Variants in LRIG2 observed in about 807,000 individuals in gnomAD.
The protein encoded by LRIG2 is leucine-rich repeats and immunoglobulin-like domains protein 2.
Under a neutral mutation model 107.8 loss-of-function variants are expected in LRIG2, and 93 were observed. The observed-to-expected ratio is 0.86, with a 90% CI of 0.73 to 1.03. The LOEUF is 1.03. LRIG2 is among the 50% of genes least tolerant of loss of function. The pLI is 0.00. For missense variants in LRIG2, 1,226 were observed against 1,296.0 expected (o/e 0.95, Z 0.83); for synonymous variants, 471 against 470.6 (o/e 1.00, Z -0.01).
At position 113,114,852 on chromosome 1, in the gene LRIG2, G is replaced by T. The variant is rs757235393; in HGVS notation, c.2506G>T (p.Glu836Ter). Residue 836 changes from glutamate to a stop codon, truncating the protein, a stop_gained, in exon 15 of 18, where the codon GAA becomes TAA. Coordinates refer to ENST00000361127, the MANE Select transcript of LRIG2 (RefSeq NM_014813.3). LOFTEE classifies it high-confidence loss of function. ...TATTTACCACATGAGAAGGAAAAAT[G>T]AAGACTATAGTATCACAAACACAGG... ...IVIYHMRRKN[E>*]DYSITNTEEL... 5.6e-6 allele frequency: 9 copies of T among 1,611,202 alleles called. No homozygotes were observed. The East Asian group carries it at 2.0e-4, about 36-fold the overall frequency.
At chr1:113,103,511 C>T (rs376062493) in intron 11 of LRIG2, 1 of 152,274 alleles carries the variant, frequency 6.6e-6, no homozygotes. Flanking sequence ...GCTGCAACAT[C>T]ACATTGCCGT....
chr1:113,098,349 G>C (rs907113935), intron 8 of LRIG2, among the ~76,000 whole-genome samples: 1 of 152,130 alleles, frequency 6.6e-6, no homozygotes, highest in Non-Finnish European at 1.5e-5. Context: ...CATATACCCT[G>C]CATCTTGAAA....
At chr1:113,107,878 A>G (rs761714056) in intron 12 of LRIG2, 121 bp downstream of exon 12, 66 of 819,260 alleles carry the variant, frequency 8.1e-5, no homozygotes, top group South Asian at 1.4e-4. Flanking sequence ...TTTAATTGCC[A>G]TTAAAAATGA....
chr1:113,077,983 G>T (rs547360141), intron 1 of LRIG2, among the ~76,000 whole-genome samples: 2 of 148,654 alleles, frequency 1.3e-5, no homozygotes, highest in Non-Finnish European at 3.0e-5. Context: ...AGAACATGTG[G>T]TGTTTGGTTT....
chr1:113,086,000 G>GTTTTTTTTTTTT (rs34131524), intron 1 of LRIG2, among the ~76,000 whole-genome samples: 1 of 65,002 alleles, frequency 1.5e-5, no homozygotes, highest in African/African-American at 5.9e-5. Flanking sequence ...TAACCCTGAG[G>GTTTTTTTTTTTT]TTTTTTTTTT....
chr1:113,101,166 G>A (rs1654292084), intron 11 of LRIG2, among the ~76,000 whole-genome samples: 1 of 152,116 alleles, frequency 6.6e-6, no homozygotes. Flanking sequence ...TGCCTCCTGG[G>A]TTCAAGCGGT....
chr1:113,080,961 A>G (rs1653253097), intron 1 of LRIG2, among the ~76,000 whole-genome samples: 1 of 147,726 alleles, frequency 6.8e-6, no homozygotes, highest in African/African-American at 2.5e-5. Context: ...CTCCTGCCTC[A>G]GCCTCCTGAG....
chr1:113,073,569 G>T lies in LRIG2; in HGVS notation c.163G>T (p.Asp55Tyr). The T allele has an allele frequency of 1.2e-6, 2 of 1,614,048 alleles. No individual in the cohort carries two copies. Among genetic ancestry groups the T allele is most frequent in the South Asian group, 2.2e-5 (2 of 91,086 alleles). ...APCSCRIPLLDCSRRKLPAPS... is the reference protein window; with the variant it reads ...APCSCRIPLLYCSRRKLPAPS... ...CTGCTCCTGCCGCATTCCTCTCCTG[G>T]ACTGCAGTCGCAGGAAATTGCCCGC... The change falls in exon 1 of 18, where the codon GAC becomes TAC. Residue 55 changes from aspartate to tyrosine, a missense_variant. By Grantham distance (160) the Asp-to-Tyr change is radical. Around this residue, in one of 3 missense-constraint regions of LRIG2, gnomAD observed 570 missense variants for 550.2 expected, o/e 1.04. Coordinates refer to ENST00000361127, the MANE Select transcript of LRIG2 (RefSeq NM_014813.3).
At chr1:113,113,527 CATTTATTT>C (rs71590539) in intron 14 of LRIG2, among the ~76,000 whole-genome samples, 59,332 of 138,230 alleles carry the variant, frequency 0.43, 13,133 homozygotes, top group Non-Finnish European at 0.49. Flanking sequence ...AATAAGAAGT[CATTTATTT>C]ATTTATTTAT....
In LRIG2 at chr1:113,129,068, C is replaced by G. The variant is rs1441477437; in HGVS notation, c.*4967C>G. 6.6e-6 allele frequency: 1 copy of G among 152,104 alleles called. No homozygotes were observed. The highest frequency in any genetic ancestry group is 1.5e-5 in the Non-Finnish European group (1 of 68,106). The allele number at this position is 152,104 out of a possible 1,614,324, so 9.4% of individuals were successfully genotyped here. On this transcript the variant is annotated 3_prime_UTR_variant, in exon 18 of 18. Transcript: ENST00000361127. ...GGTCACGGTGGCTCACGCCTGTAAT[C>G]CCAGCACTTTGGGAGGCCGAGGTGG...
chr1:113,082,641 G>A (rs1277076850), intron 1 of LRIG2, among the ~76,000 whole-genome samples: 1 of 152,116 alleles, frequency 6.6e-6, no homozygotes, highest in Non-Finnish European at 1.5e-5. Context: ...TTTATTTAGA[G>A]ACAGGGTCTC....
Position 113,123,953 on chromosome 1 carries a change from A to C in LRIG2, c.3050A>C (p.His1017Pro). ...CCTCCTTTTTCCCAGCAGCCAGTCC[A>C]TGAGTCACCACAACTTCATCAAAAT... ...PHPPFSQQPV[H>P]ESPQLHQNEG... The change falls in exon 18 of 18, where the codon CAT becomes CCT. Residue 1017 changes from histidine (H) to proline (P), a missense_variant. Transcript: ENST00000361127. 2 of 1,614,174 alleles carry C rather than the reference A, an allele frequency of 1.2e-6. No homozygotes were observed. The highest frequency in any genetic ancestry group is 1.7e-6 in the Non-Finnish European group (2 of 1,180,028).
At chr1:113,118,813 C>T (rs922907507) in intron 16 of LRIG2, among the ~76,000 whole-genome samples, 2 of 152,212 alleles carry the variant, frequency 1.3e-5, no homozygotes, top group East Asian at 1.9e-4. Flanking sequence ...TACCGGTGCA[C>T]GCCACCACGC....
At chr1:113,075,321 G>GT (rs1652925310) in intron 1 of LRIG2, among the ~76,000 whole-genome samples, 1 of 152,200 alleles carries the variant, frequency 6.6e-6, no homozygotes, top group Non-Finnish European at 1.5e-5. Context: ...GTGTTGCGGA[G>GT]TTTAAGAAGT....
chr1:113,119,231 AG>A lies in LRIG2; in HGVS notation c.2681del. On this transcript the variant is annotated splice_acceptor_variant, in intron 16 of 17. Transcript: ENST00000361127. LOFTEE classifies it high-confidence loss of function. ...TATTTAGATTCTTTTTCTTGTTATTAGGTGGCACTGGTACCCGGGTGATTTG... is the reference window on the plus strand; with the variant it reads ...TATTTAGATTCTTTTTCTTGTTATTAGTGGCACTGGTACCCGGGTGATTTG... 6.2e-7 allele frequency: 1 copy of A among 1,603,828 alleles called. No homozygotes were observed. Among genetic ancestry groups the A allele is most frequent in the Non-Finnish European group, 8.5e-7 (1 of 1,172,288 alleles).
At chr1:113,100,313 TATAA>T (rs750354736) in intron 10 of LRIG2, 31 bp downstream of exon 10, 3 of 1,547,626 alleles carry the variant, frequency 1.9e-6, no homozygotes, top group African/African-American at 2.7e-5. Flanking sequence ...TTGCTTACTC[TATAA>T]ATAATCTTTG....
At chr1:113,099,799 G>A (rs1654230708) in intron 9 of LRIG2, among the ~76,000 whole-genome samples, 1 of 152,100 alleles carries the variant, frequency 6.6e-6, no homozygotes, top group African/African-American at 2.4e-5. Context: ...TTTCCCATGA[G>A]AAGAATTTCT....
At position 113,110,262 on chromosome 1, in the gene LRIG2, A is replaced by T; in HGVS notation, c.1498A>T (p.Ile500Leu). The part of the protein sequence containing the change: ...FVCDDFLKPQ[I>L]RTHPETIIAL... ...CTTAGATGATTTTCTCAAGCCACAGATAAGGACACATCCTGAAACCATAAT... is the reference window on the plus strand; with the variant it reads ...CTTAGATGATTTTCTCAAGCCACAGTTAAGGACACATCCTGAAACCATAAT... Residue 500 changes from isoleucine to leucine, a missense_variant, in exon 13 of 18, where the codon ATA (isoleucine) becomes TTA (leucine). Ile to Leu is a conservative substitution (Grantham distance 5). This residue lies in a region of LRIG2 where 642 missense variants were observed against 712.2 expected (regional missense o/e 0.90). Transcript: ENST00000361127. The T allele has an allele frequency of 6.2e-7, 1 of 1,607,758 alleles. No homozygotes were observed. Among genetic ancestry groups the T allele is most frequent in the Non-Finnish European group, 8.5e-7 (1 of 1,175,278 alleles).
chr1:113,120,187 C>T (rs549345664), intron 17 of LRIG2, among the ~76,000 whole-genome samples: 34 of 151,934 alleles, frequency 2.2e-4, no homozygotes, highest in South Asian at 1.0e-3. Context: ...CAGTGGCTCA[C>T]GCCTGTAATC....
Sources: gnomAD v4.1 joint callset for allele counts (sites outside exome capture counted in the v4.1 genomes callset) on GRCh38, gnomAD v4.1.1 for gene constraint, gnomAD v4.1.1 regional missense constraint, MANE v1.5 for transcripts, NCBI Gene and HGNC (gene_info 2026-07-23, HGNC 2026-07-21) for gene names.